PPP2R2B: variants seen among roughly 807,000 people sequenced by gnomAD.
PPP2R2B encodes serine/threonine-protein phosphatase 2A 55 kDa regulatory subunit B beta isoform.
A neutral mutation model predicts 46.0 loss-of-function variants in PPP2R2B; 5 were observed. The observed-to-expected ratio is 0.11, with a 90% CI of 0.06 to 0.23. The LOEUF is 0.23. PPP2R2B is among the 10% of genes least tolerant of loss of function. The pLI is 1.00. For synonymous variants in PPP2R2B, 215 were observed against 206.7 expected (o/e 1.04, Z -0.34); for missense variants, 367 against 575.0 (o/e 0.64, Z 3.70).
At chr5:146,847,612 C>A (rs927925207) in intron 2 of PPP2R2B, among the ~76,000 whole-genome samples, 2 of 152,144 alleles carry the variant, frequency 1.3e-5, no homozygotes, top group African/African-American at 4.8e-5. Context: ...AAGCCACATG[C>A]CCAAACCTAG....
chr5:146,900,768 C>A (rs1762808767), intron 1 of PPP2R2B, among the ~76,000 whole-genome samples: 3 of 151,928 alleles, frequency 2.0e-5, no homozygotes, highest in African/African-American at 7.3e-5. Flanking sequence ...AGCTATTTTT[C>A]CTAATGCCCC....
chr5:146,812,876 C>T (rs1311789517), intron 2 of PPP2R2B, among the ~76,000 whole-genome samples: 1 of 128,982 alleles, frequency 7.8e-6, no homozygotes, highest in East Asian at 2.4e-4. Flanking sequence ...GAGACTTACT[C>T]ACTACCATGA....
Position 146,871,291 on chromosome 5 carries a change from C to T in PPP2R2B, c.70+6711G>A, listed in dbSNP as rs1463798098. Among the ~76,000 whole-genome samples, 4 of 152,198 alleles carry T rather than the reference C, an allele frequency of 2.6e-5. No homozygotes were observed. In the South Asian group the frequency reaches 6.2e-4, roughly 24 times the overall value. The stretch of plus-strand genomic sequence containing the variant: ...TCCCACAGCTGCCTCCGTCATATTT[C>T]TCTTGCTGTGGCCCAGGCAACTATA... On this transcript the variant is annotated intron_variant, in intron 2 of 9. Transcript: ENST00000394411.
At position 146,706,771 on chromosome 5, in the gene PPP2R2B, A is replaced by T. The variant is rs543878486; in HGVS notation, c.71-5629T>A. Reference sequence around the variant, plus strand: ...TCTGCAGCTCCTCATACTTGATCTGATACATGCTCTCGGCCTCAGCCCGAC... The same window carrying T: ...TCTGCAGCTCCTCATACTTGATCTGTTACATGCTCTCGGCCTCAGCCCGAC... On this transcript the variant is annotated intron_variant, in intron 2 of 9. Coordinates refer to ENST00000394411, the MANE Select transcript of PPP2R2B (RefSeq NM_181675.4). The T allele has an allele frequency of 1.1e-4, 86 of 810,420 alleles. No individual in the cohort carries two copies. The African/African-American group carries it at 1.3e-3, about 12-fold the overall frequency. The allele number at this position is 810,420 out of a possible 1,614,324, so 50.2% of individuals were successfully genotyped here.
chr5:146,798,105 TG>T (rs1275196892), intron 2 of PPP2R2B, among the ~76,000 whole-genome samples: 1 of 152,208 alleles, frequency 6.6e-6, no homozygotes, highest in Non-Finnish European at 1.5e-5. Flanking sequence ...CTAGTATCTT[TG>T]GGGACTTGGT....
At chr5:146,762,754 G>C (rs1009379636) in intron 2 of PPP2R2B, among the ~76,000 whole-genome samples, 1 of 152,172 alleles carries the variant, frequency 6.6e-6, no homozygotes, top group Non-Finnish European at 1.5e-5. Flanking sequence ...ATGAAGACAG[G>C]CACCTAGACA....
intron 1 of PPP2R2B, among the ~76,000 whole-genome samples, chr5:146,938,915 G>A (rs141938427): frequency 2.7e-3 from 404 of 151,790 alleles, no homozygotes; most frequent in African/African-American, 9.5e-3. Context: ...TGAGTAGCTG[G>A]GACTACAGGC....
intron 1 of PPP2R2B, among the ~76,000 whole-genome samples, chr5:146,976,349 C>G (rs1752905449): frequency 6.6e-6 from 1 of 151,944 alleles, no homozygotes; most frequent in African/African-American, 2.4e-5. Context: ...GTTGGCCAGG[C>G]TGGTCTCGAA....
At chr5:146,856,617 A>G (rs1760686363) in intron 2 of PPP2R2B, 2 of 1,485,506 alleles carry the variant, frequency 1.3e-6, no homozygotes, top group Admixed American at 1.7e-5. Flanking sequence ...TCCAGACTCC[A>G]GGAGGTAGTG....
intron 2 of PPP2R2B, among the ~76,000 whole-genome samples, chr5:146,799,196 G>A (rs926486160): frequency 3.9e-5 from 6 of 152,292 alleles, no homozygotes; most frequent in Admixed American, 2.6e-4. Flanking sequence ...GTTTTCTAGC[G>A]ATGAACATAT....
upstream of PPP2R2B, among the ~76,000 whole-genome samples, chr5:147,058,645 T>C (rs957373290): frequency 6.6e-6 from 1 of 152,210 alleles, no homozygotes; most frequent in Non-Finnish European, 1.5e-5. Flanking sequence ...ATGATTGATT[T>C]AGTGTAAGGC....
chr5:146,845,925 C>T (rs1008723245), intron 2 of PPP2R2B, among the ~76,000 whole-genome samples: 2 of 152,124 alleles, frequency 1.3e-5, no homozygotes, highest in African/African-American at 4.8e-5. Flanking sequence ...GCCACTATTG[C>T]TCACTTGAAA....
chr5:146,723,979 G>A (rs182698411), intron 2 of PPP2R2B, among the ~76,000 whole-genome samples: 26 of 152,200 alleles, frequency 1.7e-4, no homozygotes, highest in Middle Eastern at 6.8e-3. Flanking sequence ...AGGACTGTAA[G>A]TTCCTTGAAG....
intron 2 of PPP2R2B, among the ~76,000 whole-genome samples, chr5:146,859,449 T>C (rs574550511): frequency 1.3e-5 from 2 of 152,272 alleles, no homozygotes; most frequent in South Asian, 4.1e-4. Flanking sequence ...CTATCAGCAG[T>C]GCCAAAGACA....
intron 2 of PPP2R2B, among the ~76,000 whole-genome samples, chr5:146,734,129 A>T (rs1303632525): frequency 4.0e-5 from 6 of 150,362 alleles, no homozygotes; most frequent in Non-Finnish European, 5.9e-5. Context: ...ATCACAGCTC[A>T]CTGCAGCCTT....
chr5:146,991,081 G>C (rs1250197325), intron 1 of PPP2R2B, among the ~76,000 whole-genome samples: 2 of 152,030 alleles, frequency 1.3e-5, no homozygotes, highest in South Asian at 4.1e-4. Flanking sequence ...ACAAATGCTT[G>C]TGAAGATACA....
intron 5 of PPP2R2B, among the ~76,000 whole-genome samples, chr5:146,654,597 G>A (rs1776199593): frequency 6.6e-6 from 1 of 152,140 alleles, no homozygotes; most frequent in South Asian, 2.1e-4. Context: ...ATAGTGTCTA[G>A]GCCTCTCCTC....
intron 2 of PPP2R2B, among the ~76,000 whole-genome samples, chr5:146,861,856 G>GTT (rs71581881): frequency 2.2e-4 from 8 of 36,696 alleles, no homozygotes; most frequent in African/African-American, 4.5e-4. Context: ...ATACAGCATT[G>GTT]TTTTTTTTTT....
intron 1 of PPP2R2B, among the ~76,000 whole-genome samples, chr5:146,970,945 G>A (rs189815898): frequency 1.3e-5 from 2 of 152,136 alleles, no homozygotes; most frequent in East Asian, 3.9e-4. Flanking sequence ...GTAACTATTT[G>A]TTGTATATCC....
Sources: gnomAD v4.1 joint callset for allele counts (sites outside exome capture counted in the v4.1 genomes callset) on GRCh38, gnomAD v4.1.1 for gene constraint, MANE v1.5 for transcripts, NCBI Gene and HGNC (gene_info 2026-07-23, HGNC 2026-07-21) for gene names.